The following CLMN variants were observed in gnomAD, a reference collection of about 807,000 sequenced individuals.
CLMN encodes calmin (calponin-like, transmembrane).
CLMN carries 57 observed loss-of-function variants against 92.7 expected under a neutral mutation model. The observed-to-expected ratio is 0.61, with a 90% CI of 0.50 to 0.77. The LOEUF (loss-of-function observed/expected upper bound fraction) is 0.77. Among genes scored for constraint, CLMN ranks in the 30% least tolerant of loss-of-function variants. The pLI is 0.00. For synonymous variants in CLMN, 466 were observed against 470.6 expected, an observed-to-expected ratio of 0.99 and a Z score of 0.13; for missense variants, 1,158 against 1,237.5, an observed-to-expected ratio of 0.94 and a Z score of 0.96.
At chr14:95,251,913 T>G (rs1898803074) in intron 1 of CLMN, among the ~76,000 whole-genome samples, 1 of 152,168 alleles carries the variant, frequency 6.6e-6, no homozygotes, top group Non-Finnish European at 1.5e-5. Flanking sequence ...GAGCCAGGCC[T>G]GGGGTCTCTT....
At chr14:95,201,608 G>A (rs987747470) in intron 9 of CLMN, among the ~76,000 whole-genome samples, 8 of 141,960 alleles carry the variant, frequency 5.6e-5, no homozygotes, top group African/African-American at 1.3e-4. Context: ...TGGGATACAC[G>A]TACAGAGTGT....
intron 1 of CLMN, among the ~76,000 whole-genome samples, chr14:95,232,419 A>G (rs1053976320): frequency 1.1e-4 from 17 of 152,212 alleles, no homozygotes; most frequent in Admixed American, 1.0e-3. Context: ...TTTCTGTAAC[A>G]ACGGGACTTT....
chr14:95,311,722 G>A (rs187629209), intron 1 of CLMN, among the ~76,000 whole-genome samples: 132 of 152,236 alleles, frequency 8.7e-4, no homozygotes, highest in African/African-American at 3.0e-3. Flanking sequence ...CTGCTGAGGA[G>A]CTTGCTGGGG....
intron 1 of CLMN, among the ~76,000 whole-genome samples, chr14:95,243,152 A>G (rs964949475): frequency 6.6e-6 from 1 of 152,216 alleles, no homozygotes; most frequent in Non-Finnish European, 1.5e-5. Context: ...TAGACTCCAT[A>G]AGATTCACTG....
intron 12 of CLMN, chr14:95,193,374 T>C (rs1177569930): frequency 4.6e-6 from 7 of 1,535,062 alleles, no homozygotes; most frequent in Non-Finnish European, 6.1e-6. Flanking sequence ...TCTGATGCCA[T>C]AAAACTGTAA....
intron 9 of CLMN, among the ~76,000 whole-genome samples, chr14:95,197,675 C>G (rs1471494484): frequency 6.6e-6 from 1 of 152,178 alleles, no homozygotes; most frequent in Non-Finnish European, 1.5e-5. Flanking sequence ...TCTTTGACCT[C>G]TGTCTGCACC....
intron 1 of CLMN, among the ~76,000 whole-genome samples, chr14:95,301,475 G>C (rs1901052308): frequency 6.6e-6 from 1 of 152,160 alleles, no homozygotes; most frequent in Non-Finnish European, 1.5e-5. Flanking sequence ...GCCAGGAGTG[G>C]CCACCCCACA....
intron 1 of CLMN, among the ~76,000 whole-genome samples, chr14:95,232,421 C>T (rs758594733): frequency 8.5e-5 from 13 of 152,208 alleles, no homozygotes; most frequent in East Asian, 3.8e-4. Context: ...TCTGTAACAA[C>T]GGGACTTTTT....
At chr14:95,252,124 G>T (rs1898812124) in intron 1 of CLMN, among the ~76,000 whole-genome samples, 1 of 152,214 alleles carries the variant, frequency 6.6e-6, no homozygotes, top group Admixed American at 6.5e-5. Context: ...AATTACCAAA[G>T]GAGCAACAGG....
At chr14:95,314,329 C>G (rs1468913154) in intron 1 of CLMN, among the ~76,000 whole-genome samples, 2 of 152,012 alleles carry the variant, frequency 1.3e-5, no homozygotes, top group East Asian at 3.9e-4. Flanking sequence ...ACCCAGGACA[C>G]TTGGTGGAAG....
intron 4 of CLMN, 82 bp from the exon 5 acceptor site, chr14:95,215,815 C>CTG (rs57063101): frequency 0.016 from 9,377 of 568,614 alleles, 44 homozygotes; most frequent in East Asian, 0.025. Flanking sequence ...CTCTCTCTCT[C>CTG]TGTGTGTGTG....
chr14:95,203,858 C>T lies in CLMN; in HGVS notation c.1491G>A (p.Glu497=). 6.2e-7 allele frequency: 1 copy of T among 1,614,120 alleles called. No homozygotes were observed. ...AAGACTGAGAATTATTGTTTGTGCC[C>T]TCCACCAAAAAAATGTCACCAGCGA... The part of the protein sequence containing the change: ...DKVAGDIFLV[E]GTNNNSQSSS... Residue 497 remains glutamate (E), a synonymous_variant, in exon 9 of 13, where the codon GAG becomes GAA. Transcript: ENST00000298912.
intron 1 of CLMN, among the ~76,000 whole-genome samples, chr14:95,296,979 G>C (rs971291008): frequency 1.3e-5 from 2 of 152,160 alleles, no homozygotes; most frequent in African/African-American, 4.8e-5. Context: ...TTCTGTTGGA[G>C]GTGGAGGAAG....
chr14:95,193,721 C>T (rs1896618498), intron 12 of CLMN, 128 bp downstream of exon 12: 1 of 1,152,516 alleles, frequency 8.7e-7, no homozygotes. Context: ...TATTTTCTTG[C>T]ATTATCCCAA....
At chr14:95,257,616 C>T (rs372596188) in intron 1 of CLMN, among the ~76,000 whole-genome samples, 4 of 152,366 alleles carry the variant, frequency 2.6e-5, no homozygotes, top group African/African-American at 4.8e-5. Context: ...ATTCTTTCAA[C>T]GACAACGTGT....
At chr14:95,309,035 G>A (rs1457339345) in intron 1 of CLMN, among the ~76,000 whole-genome samples, 1 of 152,120 alleles carries the variant, frequency 6.6e-6, no homozygotes, top group Non-Finnish European at 1.5e-5. Flanking sequence ...GAAGATTGTG[G>A]GGCTAATCCC....
intron 1 of CLMN, among the ~76,000 whole-genome samples, chr14:95,257,247 C>T (rs1899037928): frequency 6.6e-6 from 1 of 152,178 alleles, no homozygotes; most frequent in Admixed American, 6.5e-5. Flanking sequence ...CGGTCGAGAG[C>T]CTGCTGTCAA....
intron 1 of CLMN, among the ~76,000 whole-genome samples, chr14:95,308,696 A>AT (rs1371511545): frequency 8.5e-6 from 1 of 117,748 alleles, no homozygotes; most frequent in Non-Finnish European, 1.8e-5. Flanking sequence ...CCTATAACCA[A>AT]TAAAGGCAGT....
intron 1 of CLMN, among the ~76,000 whole-genome samples, chr14:95,300,588 C>T (rs980634371): frequency 6.6e-6 from 1 of 152,212 alleles, no homozygotes; most frequent in Non-Finnish European, 1.5e-5. Context: ...CACGCTGCTG[C>T]CTACATCGGC....
Sources: gnomAD v4.1 joint callset for allele counts (sites outside exome capture counted in the v4.1 genomes callset) on GRCh38, gnomAD v4.1.1 for gene constraint, MANE v1.5 for transcripts, NCBI Gene and HGNC (gene_info 2026-07-23, HGNC 2026-07-21) for gene names.